BCAS3: variants seen among roughly 807,000 people sequenced by gnomAD.
BCAS3 encodes BCAS4/BCAS3 fusion.
BCAS3 carries 53 observed loss-of-function variants against 116.1 expected under a neutral mutation model. The ratio of observed to expected loss-of-function variants is 0.46; its 90% CI spans 0.37 to 0.57. The LOEUF is 0.57. Ranked by LOEUF, BCAS3 falls within the 20% of genes least tolerant of loss-of-function variation. The pLI is 0.00. For missense variants in BCAS3, 917 were observed against 1,165.4 expected (o/e 0.79, Z 3.10); for synonymous variants, 391 against 408.2 (o/e 0.96, Z 0.51).
At chr17:60,857,410 CA>C (rs2053774580) in intron 7 of BCAS3, among the ~76,000 whole-genome samples, 1 of 152,126 alleles carries the variant, frequency 6.6e-6, no homozygotes, top group African/African-American at 2.4e-5. Flanking sequence ...GTTTAAATGT[CA>C]AACACAATCC....
intron 17 of BCAS3, among the ~76,000 whole-genome samples, chr17:61,035,944 T>A (rs981277752): frequency 6.6e-6 from 1 of 152,138 alleles, no homozygotes; most frequent in Non-Finnish European, 1.5e-5. Context: ...ATTTCTGGAA[T>A]TTTCCGTTTA....
rs545138318 is a variant in BCAS3, at chr17:60,771,610, G to A, written c.403+24331G>A. 4.6e-5 allele frequency among the ~76,000 whole-genome samples: 7 copies of A among 151,852 alleles called. No homozygotes were observed. In the South Asian group the frequency reaches 1.2e-3, roughly 27 times the overall value. ...GTATATGTGCACAACGTGCAGGTTTGTTACATATGTATACATGTGCCATGT... is the reference window on the plus strand; with the variant it reads ...GTATATGTGCACAACGTGCAGGTTTATTACATATGTATACATGTGCCATGT... On this transcript the variant is annotated intron_variant, in intron 6 of 23. Transcript: ENST00000407086.
chr17:60,876,046 T>C (rs1422766157), intron 9 of BCAS3, among the ~76,000 whole-genome samples: 1 of 152,032 alleles, frequency 6.6e-6, no homozygotes, highest in African/African-American at 2.4e-5. Flanking sequence ...ACCAAGTGAT[T>C]ATATAATTAT....
At chr17:60,701,695 C>T (rs1373702891) in intron 4 of BCAS3, among the ~76,000 whole-genome samples, 2 of 151,738 alleles carry the variant, frequency 1.3e-5, no homozygotes, top group East Asian at 1.9e-4. Flanking sequence ...CACGGTGGCT[C>T]ACGCCTGTAA....
intron 22 of BCAS3, among the ~76,000 whole-genome samples, chr17:61,310,982 A>G (rs2054261611): frequency 6.6e-6 from 1 of 152,146 alleles, no homozygotes; most frequent in Non-Finnish European, 1.5e-5. Context: ...TAGTTGTGTC[A>G]CTTTGAGCAA....
chr17:61,203,586 A>G lies in BCAS3; in HGVS notation c.2425+119022A>G, dbSNP rs2144294411. 6.6e-6 allele frequency among the ~76,000 whole-genome samples: 1 copy of G among 152,334 alleles called. No individual in the cohort carries two copies. The highest frequency in any genetic ancestry group is 6.5e-5 in the Admixed American group (1 of 15,304). ...AAATCAGGAAAAGAACAACAGATGT[A>G]TTACAGACTAGTTAGGGAGAAAAGT... On this transcript the variant is annotated intron_variant, in intron 22 of 23. Coordinates refer to ENST00000407086, the MANE Select transcript of BCAS3 (RefSeq NM_017679.5). This position sits in a 1 kb window ranked among gnomAD's most constrained non-coding sequence, Gnocchi z 5.7.
chr17:61,340,357 G>T (rs1241139109), intron 22 of BCAS3, among the ~76,000 whole-genome samples: 1 of 152,068 alleles, frequency 6.6e-6, no homozygotes, highest in Non-Finnish European at 1.5e-5. Context: ...TCCAGGACAG[G>T]ACTTTAAATA....
In BCAS3 at chr17:61,171,229, A is replaced by T. The variant is rs2078821985; in HGVS notation, c.2425+86665A>T. On this transcript the variant is annotated intron_variant, in intron 22 of 23. Transcript: ENST00000407086. The surrounding 1 kb of genome is among the most constrained non-coding windows in gnomAD (Gnocchi z 4.1). ...ATACATCCTAAATGTGTAGACTTGG[A>T]TAAGTTACAAATATATGCTATACAT... is the stretch of plus-strand genomic sequence containing the variant. Among the ~76,000 whole-genome samples the T allele has an allele frequency of 6.6e-6, 1 of 152,148 alleles. No individual in the cohort carries two copies. Among genetic ancestry groups the T allele is most frequent in the Non-Finnish European group, 1.5e-5 (1 of 68,022 alleles).
rs2058818032 is a variant in BCAS3 at position 61,367,771 on chromosome 17, G to A, written c.2426-556G>A. 1.3e-5 allele frequency: 2 copies of A among 151,964 alleles called. No individual in the cohort carries two copies. Among genetic ancestry groups the A allele is most frequent in the South Asian group, 2.1e-4 (1 of 4,810 alleles). The allele number at this position is 151,964 out of a possible 1,614,324, so 9.4% of individuals were successfully genotyped here. Reference sequence around the variant, plus strand: ...GGTTAAGAAAGCTTTAAAAACATTAGGCTATATAACCCCTTCTTTAAATGA... The same window carrying A: ...GGTTAAGAAAGCTTTAAAAACATTAAGCTATATAACCCCTTCTTTAAATGA... On this transcript the variant is annotated intron_variant, in intron 22 of 23. Coordinates refer to ENST00000407086, the MANE Select transcript of BCAS3 (RefSeq NM_017679.5). The surrounding 1 kb of genome is among the most constrained non-coding windows in gnomAD (Gnocchi z 6.2).
rs745349985 is a variant in BCAS3 at position 61,026,794 on chromosome 17, A to G, written c.1638-7872A>G. On this transcript the variant is annotated intron_variant, in intron 16 of 23. Coordinates refer to ENST00000407086, the MANE Select transcript of BCAS3 (RefSeq NM_017679.5). This position sits in a 1 kb window ranked among gnomAD's most constrained non-coding sequence, Gnocchi z 5.0. ...TATCCATACTCTATAACAGTATGAT[A>G]TACTTGTATTTGCTAATGTTAAATG... The G allele has an allele frequency of 7.4e-6, 10 of 1,343,452 alleles. No individual in the cohort carries two copies. The highest frequency in any genetic ancestry group is 1.0e-5 in the Non-Finnish European group (10 of 956,738). The allele number at this position is 1,343,452 out of a possible 1,614,324, so 83.2% of individuals were successfully genotyped here. A position where few individuals can be genotyped will look rare whatever the true frequency, so the allele number is the denominator to read the frequency against.
chr17:61,172,475 T>C lies in BCAS3; in HGVS notation c.2425+87911T>C, dbSNP rs898414956. Among the ~76,000 whole-genome samples, 78 of 141,178 alleles carry C rather than the reference T, an allele frequency of 5.5e-4. 1 individual carries two copies. The highest frequency in any genetic ancestry group is 1.9e-3 in the African/African-American group (72 of 37,896). 92.6% of individuals were successfully genotyped at this position (141,178 alleles called of 152,430 possible). A position where few individuals can be genotyped will look rare whatever the true frequency, so the allele number is the denominator to read the frequency against. ...GGTGAAACCCCGTCTCTACTAAAAA[T>C]ACAAAAAAATAATTAGCCGGGCTTA... is the stretch of plus-strand genomic sequence containing the variant. On this transcript the variant is annotated intron_variant, in intron 22 of 23. Transcript: ENST00000407086.
intron 22 of BCAS3, among the ~76,000 whole-genome samples, chr17:61,254,879 A>C (rs889170912): frequency 6.6e-6 from 1 of 152,032 alleles, no homozygotes; most frequent in African/African-American, 2.4e-5. Flanking sequence ...GAACAATACA[A>C]TAACAACAAA....
chr17:61,053,679 T>C (rs1472929790), intron 19 of BCAS3, among the ~76,000 whole-genome samples: 2 of 152,192 alleles, frequency 1.3e-5, no homozygotes, highest in African/African-American at 4.8e-5. Flanking sequence ...TAATAAATAT[T>C]TGCCCAAGAC....
chr17:61,005,034 G>A (rs765192878), intron 15 of BCAS3, among the ~76,000 whole-genome samples: 5 of 152,184 alleles, frequency 3.3e-5, no homozygotes, highest in South Asian at 2.1e-4. Flanking sequence ...ATAGTTTTCC[G>A]GCAGTGCTCC....
intron 22 of BCAS3, among the ~76,000 whole-genome samples, chr17:61,175,317 G>A (rs1000005958): frequency 2.6e-5 from 4 of 151,980 alleles, no homozygotes; most frequent in African/African-American, 9.7e-5. Flanking sequence ...TGAGGCAGGA[G>A]GATCACTTGA....
At chr17:61,086,466 G>A (rs187979324) in intron 22 of BCAS3, among the ~76,000 whole-genome samples, 25 of 152,318 alleles carry the variant, frequency 1.6e-4, no homozygotes, top group Non-Finnish European at 7.4e-5. Flanking sequence ...AGGAGCTTCA[G>A]TGAACTGTTA....
chr17:61,189,044 A>C lies in BCAS3; in HGVS notation c.2425+104480A>C, dbSNP rs1440196109. 6.6e-6 allele frequency among the ~76,000 whole-genome samples: 1 copy of C among 152,112 alleles called. No homozygotes were observed. Among genetic ancestry groups the C allele is most frequent in the Non-Finnish European group, 1.5e-5 (1 of 68,010 alleles). ...CTTGAGGCCGGGAGATTGAGGCTGC[A>C]GTGAGCTGCTATTATGCCCCTACAC... On this transcript the variant is annotated intron_variant, in intron 22 of 23. Transcript: ENST00000407086. The surrounding 1 kb of genome is among the most constrained non-coding windows in gnomAD (Gnocchi z 4.5).
Position 61,281,482 on chromosome 17 carries a change from G to A in BCAS3, c.2426-86845G>A, listed in dbSNP as rs555922568. 2.0e-5 allele frequency among the ~76,000 whole-genome samples: 3 copies of A among 152,150 alleles called. No individual in the cohort carries two copies. The highest frequency in any genetic ancestry group is 2.0e-4 in the Admixed American group (3 of 15,288). ...GGTATGAGAGTACTTATTTCTCTACGCCTTGCCAGTACAGTGTGTTATCAG... is the reference window on the plus strand; with the variant it reads ...GGTATGAGAGTACTTATTTCTCTACACCTTGCCAGTACAGTGTGTTATCAG... On this transcript the variant is annotated intron_variant, in intron 22 of 23. Transcript: ENST00000407086. This position sits in a 1 kb window ranked among gnomAD's most constrained non-coding sequence, Gnocchi z 4.2.
chr17:60,946,113 A>G (rs998110732), intron 13 of BCAS3, among the ~76,000 whole-genome samples: 29 of 152,282 alleles, frequency 1.9e-4, no homozygotes, highest in Admixed American at 1.7e-3. Context: ...GCGAGACTCC[A>G]TCTCAAAAAG....
Sources: allele counts gnomAD v4.1 joint callset (sites outside exome capture counted in the v4.1 genomes callset), GRCh38; gene constraint gnomAD v4.1.1; non-coding constraint Gnocchi (gnomAD v3.1); transcripts MANE v1.5; gene names NCBI Gene and HGNC (gene_info 2026-07-23, HGNC 2026-07-21).